The following SEPTIN9 variants were observed in gnomAD, a reference collection of about 807,000 sequenced individuals.
The protein encoded by SEPTIN9 is septin 9.
In SEPTIN9, 13 loss-of-function variants were observed where a neutral mutation model predicts 56.6. That is an observed-to-expected ratio of 0.23 (90% CI 0.15 to 0.37). SEPTIN9 has a LOEUF of 0.37. SEPTIN9 is among the 10% of genes least tolerant of loss of function. The pLI is 1.00. For missense variants in SEPTIN9, 650 were observed against 823.1 expected (o/e 0.79, Z 2.57); for synonymous variants, 332 against 334.1 (o/e 0.99, Z 0.07).
At chr17:77,413,509 C>T (rs1044535148) in intron 3 of SEPTIN9, among the ~76,000 whole-genome samples, 4 of 152,168 alleles carry the variant, frequency 2.6e-5, no homozygotes, top group Non-Finnish European at 5.9e-5. Context: ...AGAGCACGAT[C>T]GATCAGTCGG....
At chr17:77,422,284 A>G (rs1402617420) in intron 3 of SEPTIN9, among the ~76,000 whole-genome samples, 1 of 152,178 alleles carries the variant, frequency 6.6e-6, no homozygotes. Flanking sequence ...CTCTCGTGAC[A>G]TCAGCAGGAG....
At chr17:77,281,884 G>A in intron 1 of SEPTIN9, 1 of 381,898 alleles carries the variant, frequency 2.6e-6, no homozygotes, top group Non-Finnish European at 4.8e-6. Flanking sequence ...GCGTCTGTGT[G>A]GGTGAATGGG....
chr17:77,453,958 C>A lies in SEPTIN9; in HGVS notation c.722-28186C>A. On this transcript the variant is annotated intron_variant, in intron 3 of 11. Transcript: ENST00000427177. This position sits in a 1 kb window ranked among gnomAD's most constrained non-coding sequence, Gnocchi z 4.4. ...AAGGCCCCTTTAAGAAGCCTGTCAC[C>A]ACCACCAGCAGCTTCCGTTATCTGG... 1 of 734,604 alleles carries A rather than the reference C, an allele frequency of 1.4e-6. No individual in the cohort carries two copies. The highest frequency in any genetic ancestry group is 1.7e-6 in the Non-Finnish European group (1 of 600,736). 45.5% of individuals were successfully genotyped at this position (734,604 alleles called of 1,614,324 possible). A position where few individuals can be genotyped will look rare whatever the true frequency, so the allele number is the denominator to read the frequency against.
At chr17:77,428,920 G>A in intron 3 of SEPTIN9, 1 of 432,192 alleles carries the variant, frequency 2.3e-6, no homozygotes, top group South Asian at 1.6e-5. Flanking sequence ...CAAATTTGGG[G>A]ATTTAATGAT....
At chr17:77,385,870 C>T (rs56848866) in intron 2 of SEPTIN9, among the ~76,000 whole-genome samples, 2,064 of 152,296 alleles carry the variant, frequency 0.014, 47 homozygotes, top group African/African-American at 0.048. Context: ...CCTCCTTGTC[C>T]CTGCTCCAAG....
At chr17:77,383,808 C>T (rs749839518) in intron 2 of SEPTIN9, among the ~76,000 whole-genome samples, 1 of 152,198 alleles carries the variant, frequency 6.6e-6, no homozygotes, top group Non-Finnish European at 1.5e-5. Flanking sequence ...GATGGCCCAG[C>T]GTGCCGGCTC....
intron 2 of SEPTIN9, among the ~76,000 whole-genome samples, chr17:77,321,412 T>G (rs78291575): frequency 2.0e-5 from 3 of 151,580 alleles, no homozygotes; most frequent in Non-Finnish European, 3.0e-5. Flanking sequence ...TTTTTTTTTT[T>G]TCTTTGAGAC....
intron 3 of SEPTIN9, chr17:77,404,971 C>A: frequency 2.0e-6 from 2 of 1,005,534 alleles, no homozygotes; most frequent in South Asian, 1.6e-5. Context: ...TCTGTTGGTG[C>A]AGGACCTTTG....
At chr17:77,284,922 C>T (rs1481084106) in intron 1 of SEPTIN9, among the ~76,000 whole-genome samples, 1 of 152,200 alleles carries the variant, frequency 6.6e-6, no homozygotes, top group Non-Finnish European at 1.5e-5. Context: ...GCCACCACGC[C>T]CAGCCTGCCT....
Position 77,499,142 on chromosome 17 carries a change from A to G in SEPTIN9, c.*484A>G, listed in dbSNP as rs949167901. The G allele has an allele frequency of 1.9e-6, 1 of 535,038 alleles. No homozygotes were observed. The highest frequency in any genetic ancestry group is 2.2e-5 in the Admixed American group (1 of 44,976). The allele number at this position is 535,038 out of a possible 1,614,324, so 33.1% of individuals were successfully genotyped here. A position where few individuals can be genotyped will look rare whatever the true frequency, so the allele number is the denominator to read the frequency against. ...AATGCAGCCCACCAGGAGCACCTGG[A>G]CCCCCTGCCCGCCACATGGTGTGGC... On this transcript the variant is annotated 3_prime_UTR_variant, in exon 12 of 12. Coordinates refer to ENST00000427177, the MANE Select transcript of SEPTIN9 (RefSeq NM_001113491.2).
At chr17:77,309,338 C>T (rs1275750750) in intron 2 of SEPTIN9, among the ~76,000 whole-genome samples, 26 of 152,264 alleles carry the variant, frequency 1.7e-4, no homozygotes, top group Non-Finnish European at 5.9e-5. Context: ...TCTGGGTTTG[C>T]GTGGGACTGC....
rs1488655673 is a variant in SEPTIN9 at position 77,435,393 on chromosome 17, A to T, written c.721+32690A>T. Among the ~76,000 whole-genome samples, 1 of 152,072 alleles carries T rather than the reference A, an allele frequency of 6.6e-6. No individual in the cohort carries two copies. The highest frequency in any genetic ancestry group is 1.5e-5 in the Non-Finnish European group (1 of 67,992). On this transcript the variant is annotated intron_variant, in intron 3 of 11. Coordinates refer to ENST00000427177, the MANE Select transcript of SEPTIN9 (RefSeq NM_001113491.2). This position sits in a 1 kb window ranked among gnomAD's most constrained non-coding sequence, Gnocchi z 4.5. ...ATTCTGTGGCTTCTTGAGGTGGCTCACCCCTAAACACGCCCCCCATGGTGG... is the reference window on the plus strand; with the variant it reads ...ATTCTGTGGCTTCTTGAGGTGGCTCTCCCCTAAACACGCCCCCCATGGTGG...
At chr17:77,490,681 T>G (rs1598467398) in intron 7 of SEPTIN9, 61 bp from the exon 8 acceptor site, 1 of 1,280,960 alleles carries the variant, frequency 7.8e-7, no homozygotes, top group Middle Eastern at 1.8e-4. Context: ...TGCTTGGGGG[T>G]GGGTGCCCCC....
chr17:77,487,303 A>C lies in SEPTIN9; in HGVS notation c.914-121A>C, dbSNP rs2039834211. On this transcript the variant is annotated intron_variant, in intron 4 of 11. Coordinates refer to ENST00000427177, the MANE Select transcript of SEPTIN9 (RefSeq NM_001113491.2). This position sits in a 1 kb window ranked among gnomAD's most constrained non-coding sequence, Gnocchi z 4.3. The stretch of plus-strand genomic sequence containing the variant: ...CTTGGCAGGGATATTGCCGGGAGGT[A>C]GCCCAGGCACTGCTGAATCTCAGAC... 2.8e-6 allele frequency: 3 copies of C among 1,081,442 alleles called. No individual in the cohort carries two copies. The highest frequency in any genetic ancestry group is 3.1e-5 in the African/African-American group (2 of 63,674). The allele number at this position is 1,081,442 out of a possible 1,614,324, so 67.0% of individuals were successfully genotyped here. A position where few individuals can be genotyped will look rare whatever the true frequency, so the allele number is the denominator to read the frequency against.
intron 2 of SEPTIN9, among the ~76,000 whole-genome samples, chr17:77,325,861 C>G (rs1015242624): frequency 6.6e-6 from 1 of 152,134 alleles, no homozygotes; most frequent in African/African-American, 2.4e-5. Flanking sequence ...TGCCTCAAAC[C>G]CCTCCCACCC....
rs2036022458 is a variant in SEPTIN9, at chr17:77,405,134, G to A, written c.721+2431G>A. ...CACAGGGACGTGGTCCTGGCTCTGG[G>A]GGACAGGTAGGGGGATGTCCATGGG... On this transcript the variant is annotated intron_variant, in intron 3 of 11. Transcript: ENST00000427177. The surrounding 1 kb of genome is among the most constrained non-coding windows in gnomAD (Gnocchi z 5.8). 1 of 1,535,088 alleles carries A rather than the reference G, an allele frequency of 6.5e-7. No individual in the cohort carries two copies. Among genetic ancestry groups the A allele is most frequent in the African/African-American group, 1.4e-5 (1 of 73,160 alleles).
intron 2 of SEPTIN9, among the ~76,000 whole-genome samples, chr17:77,316,571 C>T (rs1196100801): frequency 6.6e-6 from 1 of 152,164 alleles, no homozygotes; most frequent in Non-Finnish European, 1.5e-5. Context: ...GCCCCTCACT[C>T]GGGGCTGTTC....
chr17:77,343,674 A>T (rs1031312287), intron 2 of SEPTIN9, among the ~76,000 whole-genome samples: 2 of 152,174 alleles, frequency 1.3e-5, no homozygotes, highest in African/African-American at 2.4e-5. Context: ...GTCTTGTGAG[A>T]TGGAACCCTT....
At chr17:77,416,680 C>T (rs376657957) in intron 3 of SEPTIN9, among the ~76,000 whole-genome samples, 4 of 152,312 alleles carry the variant, frequency 2.6e-5, no homozygotes, top group African/African-American at 4.8e-5. Context: ...TTTGCTTAGC[C>T]AGGCTTTGAA....
Sources: allele counts gnomAD v4.1 joint callset (sites outside exome capture counted in the v4.1 genomes callset), GRCh38; gene constraint gnomAD v4.1.1; non-coding constraint Gnocchi (gnomAD v3.1); transcripts MANE v1.5; gene names NCBI Gene and HGNC (gene_info 2026-07-23, HGNC 2026-07-21).